The following THOC1 variants were observed in gnomAD, a reference collection of about 807,000 sequenced individuals.
THOC1 encodes the protein THO complex 1.
A neutral mutation model predicts 97.3 loss-of-function variants in THOC1; 29 were observed. The ratio of observed to expected loss-of-function variants is 0.30; its 90% CI spans 0.22 to 0.41. THOC1 has a LOEUF of 0.41. Among genes scored for constraint, THOC1 ranks in the 10% least tolerant of loss-of-function variants. The pLI is 1.00. For missense variants in THOC1, 529 were observed against 761.9 expected, an observed-to-expected ratio of 0.69 and a Z score of 3.60; for synonymous variants, 255 against 257.0, an observed-to-expected ratio of 0.99 and a Z score of 0.07.
In THOC1 at chr18:254,862, C is replaced by G. The variant is rs377000003; in HGVS notation, c.521-507G>C. Among the ~76,000 whole-genome samples the G allele has an allele frequency of 6.6e-6, 1 of 151,488 alleles. No homozygotes were observed. Among genetic ancestry groups the G allele is most frequent in the East Asian group, 1.9e-4 (1 of 5,158 alleles). On this transcript the variant is annotated intron_variant, in intron 7 of 20. Coordinates refer to ENST00000261600, the MANE Select transcript of THOC1 (RefSeq NM_005131.3). The surrounding 1 kb of genome is among the most constrained non-coding windows in gnomAD (Gnocchi z 4.1). ...CAGCGACTCACTCCTGTCACCCAGG[C>G]TGCAGTGCAGTGGCATGATCATGGC...
intron 15 of THOC1, among the ~76,000 whole-genome samples, chr18:224,630 T>C (rs1911213408): frequency 6.6e-6 from 1 of 151,630 alleles, no homozygotes; most frequent in Admixed American, 6.6e-5. Flanking sequence ...AATTATCAGA[T>C]ATAAGATAAA....
rs1449600901 is a variant in THOC1 at position 236,501 on chromosome 18, C to A, written c.919-9600G>T. Among the ~76,000 whole-genome samples, 4 of 139,448 alleles carry A rather than the reference C, an allele frequency of 2.9e-5. No individual in the cohort carries two copies. In the South Asian group the frequency reaches 8.9e-4, roughly 31 times the overall value. 91.5% of individuals were successfully genotyped at this position (139,448 alleles called of 152,430 possible). A position where few individuals can be genotyped will look rare whatever the true frequency, so the allele number is the denominator to read the frequency against. ...CTCCCGAGTAGCTGGGAACTACAGGCGCCCGCTACCACGCCCGGCTAATTT... is the reference window on the plus strand; with the variant it reads ...CTCCCGAGTAGCTGGGAACTACAGGAGCCCGCTACCACGCCCGGCTAATTT... On this transcript the variant is annotated intron_variant, in intron 11 of 20. Coordinates refer to ENST00000261600, the MANE Select transcript of THOC1 (RefSeq NM_005131.3).
chr18:240,868 A>G (rs371652238), intron 11 of THOC1, among the ~76,000 whole-genome samples: 9 of 152,314 alleles, frequency 5.9e-5, no homozygotes, highest in African/African-American at 2.2e-4. Context: ...ACCTGCAACT[A>G]GAAGGTCCCA....
intron 11 of THOC1, among the ~76,000 whole-genome samples, chr18:231,993 A>AAT (rs1598294104): frequency 1.3e-5 from 2 of 152,378 alleles, no homozygotes; most frequent in East Asian, 3.9e-4. Context: ...TTTATGGACT[A>AAT]TATATCTCTG....
chr18:255,793 CTT>C (rs758739902), intron 7 of THOC1, among the ~76,000 whole-genome samples: 39 of 152,296 alleles, frequency 2.6e-4, no homozygotes, highest in Non-Finnish European at 5.1e-4. Context: ...GGCTGACTCT[CTT>C]GTTAGGAGCT....
At chr18:223,943 AG>A (rs1387796822) in intron 16 of THOC1, 140 bp downstream of exon 16, 1 of 666,830 alleles carries the variant, frequency 1.5e-6, no homozygotes. Context: ...TGGGCAGTAT[AG>A]ACAGTGCGGT....
At chr18:218,002 C>T (rs1489066655) in intron 18 of THOC1, among the ~76,000 whole-genome samples, 1 of 152,072 alleles carries the variant, frequency 6.6e-6, no homozygotes, top group East Asian at 1.9e-4. Flanking sequence ...TAGACTTGGA[C>T]AATTATTTTA....
At chr18:249,971 T>C (rs1912228244) in intron 9 of THOC1, among the ~76,000 whole-genome samples, 1 of 152,334 alleles carries the variant, frequency 6.6e-6, no homozygotes, top group East Asian at 1.9e-4. Flanking sequence ...GCAACCATTA[T>C]ATGTCCCTTT....
At chr18:236,346 G>GCTTTTTTTTTTTTTTTTTTTTTT (rs1567848423) in intron 11 of THOC1, among the ~76,000 whole-genome samples, 1 of 135,266 alleles carries the variant, frequency 7.4e-6, no homozygotes, top group African/African-American at 2.7e-5. Context: ...GAAAGAATAA[G>GCTTTTTTTTTTTTTTTTTTTTTT]ATTCTTTTTT....
At position 254,640 on chromosome 18, in the gene THOC1, G is replaced by A. The variant is rs527035; in HGVS notation, c.521-285C>T. ...CAGCACCATTTTTCCAACAGCATAT[G>A]CTCACTTCCTCTGTCACATTTTGGT... On this transcript the variant is annotated intron_variant, in intron 7 of 20. Coordinates refer to ENST00000261600, the MANE Select transcript of THOC1 (RefSeq NM_005131.3). The surrounding 1 kb of genome is among the most constrained non-coding windows in gnomAD (Gnocchi z 4.1). 0.17 allele frequency among the ~76,000 whole-genome samples: 25,365 copies of A among 151,942 alleles called. 2,396 individuals carry two copies. Among genetic ancestry groups the A allele is most frequent in the Non-Finnish European group, 0.23 (15,354 of 67,932 alleles).
In THOC1 at chr18:265,380, A is replaced by C; in HGVS notation, c.129-17T>G. On this transcript the variant is annotated splice_polypyrimidine_tract_variant and intron_variant, in intron 2 of 20. Coordinates refer to ENST00000261600, the MANE Select transcript of THOC1 (RefSeq NM_005131.3). The stretch of plus-strand genomic sequence containing the variant: ...TCATTTTCACTATTAAAAACAAAAG[A>C]CATCCTCATTTTTCAAACAGCTCAG... 6.2e-7 allele frequency: 1 copy of C among 1,601,698 alleles called. No homozygotes were observed. Among genetic ancestry groups the C allele is most frequent in the South Asian group, 1.1e-5 (1 of 87,770 alleles).
At chr18:263,953 G>T in intron 4 of THOC1, 73 bp downstream of exon 4, 1 of 1,159,468 alleles carries the variant, frequency 8.6e-7, no homozygotes, top group Non-Finnish European at 1.3e-6. Context: ...AGAAGTATGG[G>T]GAGAAGACGT....
chr18:264,170 C>A, intron 3 of THOC1, 78 bp from the exon 4 acceptor site: 2 of 888,022 alleles, frequency 2.3e-6, no homozygotes, highest in South Asian at 1.7e-5. Flanking sequence ...AACATGTACT[C>A]TGATATTAAA....
At chr18:222,347 A>C (rs1179199553) in intron 17 of THOC1, among the ~76,000 whole-genome samples, 1 of 152,234 alleles carries the variant, frequency 6.6e-6, no homozygotes, top group African/African-American at 2.4e-5. Flanking sequence ...TTCTGGGTTC[A>C]GTTTCCTTAA....
chr18:222,643 A>C (rs1365874276), intron 17 of THOC1, among the ~76,000 whole-genome samples: 2 of 151,916 alleles, frequency 1.3e-5, no homozygotes, highest in Non-Finnish European at 2.9e-5. Flanking sequence ...ATAGTTGAGG[A>C]GGTCCAGCAA....
chr18:243,700 G>A (rs1285726327), intron 11 of THOC1, among the ~76,000 whole-genome samples: 1 of 152,098 alleles, frequency 6.6e-6, no homozygotes, highest in Non-Finnish European at 1.5e-5. Flanking sequence ...TGACACCTCT[G>A]CATTCTAAAA....
intron 17 of THOC1, among the ~76,000 whole-genome samples, chr18:221,348 T>TGTTGAGGTTTAGGGCTAAG (rs1188154502): frequency 3.3e-5 from 5 of 152,164 alleles, no homozygotes; most frequent in African/African-American, 9.7e-5. Context: ...GGTCAACTTC[T>TGTTGAGGTTTAGGGCTAAG]CATTCTAATT....
intron 18 of THOC1, 102 bp downstream of exon 18, chr18:218,784 C>T (rs1169782348): frequency 1.2e-5 from 11 of 892,346 alleles, no homozygotes; most frequent in Non-Finnish European, 1.9e-5. Context: ...AAGCACTATT[C>T]TATCTACTGC....
chr18:236,523 A>AT (rs527643205), intron 11 of THOC1, among the ~76,000 whole-genome samples: 6,551 of 144,560 alleles, frequency 0.045, 429 homozygotes, highest in East Asian at 0.32. Context: ...CGCCCGGCTA[A>AT]TTTTTTTTTT....
Sources: gnomAD v4.1 joint callset for allele counts (sites outside exome capture counted in the v4.1 genomes callset) on GRCh38, gnomAD v4.1.1 for gene constraint, Gnocchi (gnomAD v3.1) non-coding constraint, MANE v1.5 for transcripts, NCBI Gene and HGNC (gene_info 2026-07-23, HGNC 2026-07-21) for gene names.